The following HECW1 variants were observed in gnomAD, a reference collection of about 807,000 sequenced individuals.
HECW1 encodes E3 ubiquitin-protein ligase HECW1.
A neutral mutation model predicts 182.3 loss-of-function variants in HECW1; 61 were observed. That is an observed-to-expected ratio of 0.33 (90% CI 0.27 to 0.41). The LOEUF (loss-of-function observed/expected upper bound fraction) is 0.41, where lower values mean the gene tolerates loss of function less well. Among genes scored for constraint, HECW1 ranks in the 10% least tolerant of loss-of-function variants. The probability of loss-of-function intolerance (pLI) is 1.00; values close to 1 mark genes in which losing one functional copy is unlikely to be tolerated. For synonymous variants in HECW1, 859 were observed against 832.6 expected (o/e 1.03, Z -0.55); for missense variants, 1,739 against 2,108.9 (o/e 0.82, Z 3.44).
intron 2 of HECW1, among the ~76,000 whole-genome samples, chr7:43,157,691 G>C (rs1790033860): frequency 6.6e-6 from 1 of 152,102 alleles, no homozygotes; most frequent in Admixed American, 6.6e-5. Context: ...CTACTGAGTA[G>C]CTGGTACTAT....
intron 3 of HECW1, among the ~76,000 whole-genome samples, chr7:43,276,602 A>G (rs931212260): frequency 6.6e-6 from 1 of 152,188 alleles, no homozygotes; most frequent in Non-Finnish European, 1.5e-5. Context: ...CCTAATCCTG[A>G]TAAAATGTGC....
chr7:43,177,727 G>T (rs1330045164), intron 2 of HECW1, among the ~76,000 whole-genome samples: 1 of 152,176 alleles, frequency 6.6e-6, no homozygotes, highest in East Asian at 1.9e-4. Context: ...ATGAGTCTGT[G>T]TGAACATGAA....
At chr7:43,475,183 A>G (rs1414696383) in intron 16 of HECW1, among the ~76,000 whole-genome samples, 1 of 152,156 alleles carries the variant, frequency 6.6e-6, no homozygotes, top group Admixed American at 6.5e-5. Context: ...CCAAAAATGA[A>G]GCTGACAACT....
Position 43,518,043 on chromosome 7 carries a change from G to A in HECW1, c.4019+8922G>A, listed in dbSNP as rs186414212. ...AGATTCCTCTCTACTTTGAAAATAC[G>A]TGAAAAAAAGGAATGAAATTTCTTC... On this transcript the variant is annotated intron_variant, in intron 24 of 29. Transcript: ENST00000395891. Among the ~76,000 whole-genome samples the A allele has an allele frequency of 6.9e-4, 105 of 151,984 alleles. No homozygotes were observed. In the East Asian group the frequency reaches 7.3e-3, roughly 11 times the overall value.
intron 2 of HECW1, among the ~76,000 whole-genome samples, chr7:43,139,787 A>G (rs1454319492): frequency 1.4e-5 from 2 of 146,362 alleles, no homozygotes; most frequent in African/African-American, 5.1e-5. Flanking sequence ...TTCATTATTC[A>G]TTTTGAGGCT....
At chr7:43,160,005 T>C (rs10225907) in intron 2 of HECW1, among the ~76,000 whole-genome samples, 8,699 of 152,264 alleles carry the variant, frequency 0.057, 820 homozygotes, top group African/African-American at 0.2. Flanking sequence ...AGTACATACA[T>C]TATTTTCTTG....
chr7:43,150,655 A>G (rs1336648331), intron 2 of HECW1, among the ~76,000 whole-genome samples: 2 of 152,252 alleles, frequency 1.3e-5, no homozygotes, highest in Non-Finnish European at 2.9e-5. Context: ...CTGGGATTAC[A>G]GGCATGAGCC....
chr7:43,131,694 A>G (rs774495125), intron 2 of HECW1, among the ~76,000 whole-genome samples: 2 of 152,208 alleles, frequency 1.3e-5, no homozygotes, highest in Non-Finnish European at 2.9e-5. Context: ...CCAGACTCCA[A>G]CTTGTCAGTG....
At chr7:43,293,847 G>A (rs1403349532) in intron 3 of HECW1, among the ~76,000 whole-genome samples, 3 of 152,158 alleles carry the variant, frequency 2.0e-5, no homozygotes, top group Admixed American at 2.0e-4. Context: ...CAGGAGGTGA[G>A]CAGCAGCAAG....
At chr7:43,501,507 GAATGGGGTTTAC>G (rs1316755486) in intron 21 of HECW1, among the ~76,000 whole-genome samples, 185 bp downstream of exon 21, 2 of 152,208 alleles carry the variant, frequency 1.3e-5, no homozygotes, top group East Asian at 3.9e-4. Flanking sequence ...CCCCAAGCTA[GAATGGGGTTTAC>G]AGTTTGAAAT....
chr7:43,343,716 G>A (rs187147596), intron 5 of HECW1, among the ~76,000 whole-genome samples: 203 of 151,830 alleles, frequency 1.3e-3, no homozygotes, highest in Non-Finnish European at 2.2e-3. Context: ...GAATAGTGCC[G>A]CAATAAAAAT....
chr7:43,168,145 T>C lies in HECW1; in HGVS notation c.-32+53754T>C, dbSNP rs575369428. Among the ~76,000 whole-genome samples, 57 of 152,334 alleles carry C rather than the reference T, an allele frequency of 3.7e-4. 1 individual carries two copies. The highest frequency in any genetic ancestry group is 1.2e-3 in the African/African-American group (51 of 41,570). On this transcript the variant is annotated intron_variant, in intron 2 of 29. Coordinates refer to ENST00000395891, the MANE Select transcript of HECW1 (RefSeq NM_015052.5). ...CGTGAGGAGAGGGACTGGACATGTT[T>C]CACTTTTGCATGATGTCCCCAATAT...
rs1784750580 is a variant in HECW1, at chr7:43,209,321, G to A, written c.-31-34554G>A. On this transcript the variant is annotated intron_variant, in intron 2 of 29. Transcript: ENST00000395891. ...CCTGCTGATCAGAGCCAGAGCTGAT[G>A]ATGCCTCGCAGGCAAGTGTCCTCAG... Among the ~76,000 whole-genome samples, 3 of 152,166 alleles carry A rather than the reference G, an allele frequency of 2.0e-5. No individual in the cohort carries two copies. In the South Asian group the frequency reaches 6.2e-4, roughly 32 times the overall value.
intron 3 of HECW1, among the ~76,000 whole-genome samples, chr7:43,247,825 G>C (rs1799553201): frequency 7.5e-6 from 1 of 132,780 alleles, no homozygotes; most frequent in African/African-American, 3.2e-5. Flanking sequence ...GAAAGAGAGA[G>C]AAAGGTAAGA....
intron 2 of HECW1, among the ~76,000 whole-genome samples, chr7:43,212,966 A>G (rs1163022767): frequency 6.6e-6 from 1 of 152,204 alleles, no homozygotes; most frequent in African/African-American, 2.4e-5. Flanking sequence ...AGATTATGAC[A>G]GAAGTATATT....
At chr7:43,303,471 G>A (rs574465946) in intron 3 of HECW1, among the ~76,000 whole-genome samples, 8 of 152,054 alleles carry the variant, frequency 5.3e-5, no homozygotes, top group Admixed American at 3.9e-4. Context: ...GTGTCTGACT[G>A]GCATTTTAAC....
At chr7:43,505,947 A>G (rs889268895) in intron 21 of HECW1, among the ~76,000 whole-genome samples, 11 of 152,214 alleles carry the variant, frequency 7.2e-5, no homozygotes, top group African/African-American at 2.2e-4. Context: ...GTAACTAATA[A>G]ATGGTTATTG....
At chr7:43,419,765 T>C (rs111853872) in intron 8 of HECW1, among the ~76,000 whole-genome samples, 44 of 152,346 alleles carry the variant, frequency 2.9e-4, no homozygotes, top group African/African-American at 1.0e-3. Flanking sequence ...TGAATATAAA[T>C]TTAATTTCCC....
chr7:43,229,500 G>A (rs1338272579), intron 2 of HECW1, among the ~76,000 whole-genome samples: 1 of 151,360 alleles, frequency 6.6e-6, no homozygotes, highest in Admixed American at 6.6e-5. Context: ...GAGGGGGAGG[G>A]GAGCAGAAAA....
Sources: gnomAD v4.1 joint callset for allele counts (sites outside exome capture counted in the v4.1 genomes callset) on GRCh38, gnomAD v4.1.1 for gene constraint, MANE v1.5 for transcripts, NCBI Gene and HGNC (gene_info 2026-07-23, HGNC 2026-07-21) for gene names.